GRM8: variants seen among roughly 807,000 people sequenced by gnomAD.
The protein encoded by GRM8 is glutamate metabotropic receptor 8.
Under a neutral mutation model 87.2 loss-of-function variants are expected in GRM8, and 47 were observed. That is an observed-to-expected ratio of 0.54 (90% CI 0.43 to 0.69). The LOEUF (loss-of-function observed/expected upper bound fraction) is 0.69. Among genes scored for constraint, GRM8 ranks in the 30% least tolerant of loss-of-function variants. The probability of loss-of-function intolerance (pLI) is 0.00; values close to 1 mark genes in which losing one functional copy is unlikely to be tolerated. For missense variants in GRM8, 1,019 were observed against 1,139.2 expected (o/e 0.89, Z 1.52); for synonymous variants, 396 against 404.5 (o/e 0.98, Z 0.25).
intron 8 of GRM8, among the ~76,000 whole-genome samples, chr7:126,585,505 G>C (rs778527146): frequency 2.2e-4 from 33 of 152,186 alleles, no homozygotes; most frequent in Non-Finnish European, 3.2e-4. Flanking sequence ...AGGATAATTA[G>C]TTGCCTGAGT....
At chr7:126,722,096 C>A (rs146849775) in intron 7 of GRM8, among the ~76,000 whole-genome samples, 1 of 152,062 alleles carries the variant, frequency 6.6e-6, no homozygotes, top group Non-Finnish European at 1.5e-5. Flanking sequence ...CAAATCTGCA[C>A]GGACACTCTA....
chr7:126,792,186 G>A (rs1268877656), intron 6 of GRM8, among the ~76,000 whole-genome samples: 1 of 152,176 alleles, frequency 6.6e-6, no homozygotes, highest in Non-Finnish European at 1.5e-5. Context: ...GTCCTGGGTG[G>A]CCTCTCCATA....
intron 3 of GRM8, among the ~76,000 whole-genome samples, chr7:126,987,626 A>G (rs973128014): frequency 2.0e-5 from 3 of 151,818 alleles, no homozygotes; most frequent in Admixed American, 6.6e-5. Context: ...ACGCCCGGCT[A>G]ATTTTTTGTA....
At chr7:126,942,281 C>T (rs940671036) in intron 3 of GRM8, among the ~76,000 whole-genome samples, 1 of 152,202 alleles carries the variant, frequency 6.6e-6, no homozygotes, top group Non-Finnish European at 1.5e-5. Flanking sequence ...TCCAAGATAA[C>T]CACCTGGCAG....
intron 6 of GRM8, among the ~76,000 whole-genome samples, chr7:126,858,872 C>G (rs964636095): frequency 1.4e-4 from 22 of 152,292 alleles, no homozygotes; most frequent in African/African-American, 5.1e-4. Context: ...TTTTGACACT[C>G]CTTTCTGTTC....
At chr7:126,513,757 G>T (rs74986345) in intron 9 of GRM8, among the ~76,000 whole-genome samples, 4,516 of 152,118 alleles carry the variant, frequency 0.03, 172 homozygotes, top group African/African-American at 0.08. Flanking sequence ...TGAGAACATG[G>T]GTAGTAAGAG....
chr7:126,667,102 T>C (rs1805856439), intron 7 of GRM8, among the ~76,000 whole-genome samples: 1 of 152,206 alleles, frequency 6.6e-6, no homozygotes, highest in African/African-American at 2.4e-5. Flanking sequence ...GCACTTACTA[T>C]ATGTCAGACA....
chr7:126,763,867 T>G (rs917357385), intron 7 of GRM8, among the ~76,000 whole-genome samples: 1 of 152,002 alleles, frequency 6.6e-6, no homozygotes, highest in Non-Finnish European at 1.5e-5. Flanking sequence ...TTCCCATACT[T>G]AGCTCTTCTG....
intron 6 of GRM8, among the ~76,000 whole-genome samples, chr7:126,819,405 T>TA (rs1794095106): frequency 2.0e-5 from 3 of 152,124 alleles, no homozygotes; most frequent in Admixed American, 2.0e-4. Context: ...TTCCTACAAA[T>TA]ACACTCACAA....
At chr7:127,097,240 A>G (rs1466886513) in intron 3 of GRM8, among the ~76,000 whole-genome samples, 1 of 152,202 alleles carries the variant, frequency 6.6e-6, no homozygotes, top group Non-Finnish European at 1.5e-5. Context: ...CTTGTCCTCA[A>G]ATCTCAACCC....
At chr7:126,442,861 T>C (rs1020999851) in intron 10 of GRM8, among the ~76,000 whole-genome samples, 5 of 151,924 alleles carry the variant, frequency 3.3e-5, no homozygotes, top group African/African-American at 1.2e-4. Context: ...GAAAAGGAAG[T>C]GTAAGGTTCT....
At chr7:126,613,825 G>A (rs1480667236) in intron 7 of GRM8, among the ~76,000 whole-genome samples, 1 of 152,208 alleles carries the variant, frequency 6.6e-6, no homozygotes, top group African/African-American at 2.4e-5. Flanking sequence ...CAGCGAGGCT[G>A]GGGGAGGGGC....
intron 3 of GRM8, among the ~76,000 whole-genome samples, chr7:127,100,549 G>C (rs1825138489): frequency 6.6e-6 from 1 of 152,196 alleles, no homozygotes; most frequent in South Asian, 2.1e-4. Context: ...AAAGGAAACA[G>C]GTTTAACTGA....
intron 7 of GRM8, among the ~76,000 whole-genome samples, chr7:126,644,563 T>C (rs1802827851): frequency 6.6e-6 from 1 of 152,176 alleles, no homozygotes; most frequent in Non-Finnish European, 1.5e-5. Flanking sequence ...TTTCTGTGTA[T>C]AGCTCGCACT....
intron 2 of GRM8, among the ~76,000 whole-genome samples, chr7:127,197,588 C>A: frequency 6.8e-6 from 1 of 147,202 alleles, no homozygotes. Context: ...TGAAAGGAAA[C>A]ATGTCTGTCA....
chr7:127,135,769 T>A (rs1224093353), intron 2 of GRM8, among the ~76,000 whole-genome samples: 2 of 152,070 alleles, frequency 1.3e-5, no homozygotes, highest in African/African-American at 4.8e-5. Context: ...AATTTAAATA[T>A]GATAAGATAG....
intron 3 of GRM8, among the ~76,000 whole-genome samples, chr7:126,980,300 C>T (rs1314857757): frequency 6.6e-6 from 1 of 152,128 alleles, no homozygotes; most frequent in Non-Finnish European, 1.5e-5. Context: ...TAACGATAAA[C>T]AAGTCAACAC....
chr7:127,101,989 T>G (rs192387413), intron 3 of GRM8, among the ~76,000 whole-genome samples: 5 of 152,314 alleles, frequency 3.3e-5, no homozygotes, highest in African/African-American at 7.2e-5. Context: ...ATGAGGGACT[T>G]ACTGGAATCT....
chr7:126,716,610 T>G (rs540737359), intron 7 of GRM8, among the ~76,000 whole-genome samples: 2 of 152,298 alleles, frequency 1.3e-5, no homozygotes, highest in East Asian at 3.9e-4. Flanking sequence ...ATCATCCTGA[T>G]GCATGCTCTC....
Sources: allele counts gnomAD v4.1 joint callset (sites outside exome capture counted in the v4.1 genomes callset), GRCh38; gene constraint gnomAD v4.1.1; transcripts MANE v1.5; gene names NCBI Gene and HGNC (gene_info 2026-07-23, HGNC 2026-07-21).